The following FBXW8 variants were observed in gnomAD, a reference collection of about 807,000 sequenced individuals.
The protein encoded by FBXW8 is F-box/WD repeat-containing protein 8.
A neutral mutation model predicts 65.3 loss-of-function variants in FBXW8; 57 were observed. The ratio of observed to expected loss-of-function variants is 0.87; its 90% CI spans 0.71 to 1.09. The LOEUF (loss-of-function observed/expected upper bound fraction) is 1.09. Ranked by LOEUF, FBXW8 falls within the 50% of genes least tolerant of loss-of-function variation. The pLI, the probability that FBXW8 is intolerant of heterozygous loss-of-function variation, is 0.00. For synonymous variants in FBXW8, 308 were observed against 330.2 expected (o/e 0.93, Z 0.73); for missense variants, 777 against 814.8 (o/e 0.95, Z 0.57).
At position 116,911,373 on chromosome 12, in the gene FBXW8, C is replaced by T. The variant is rs1429804054; in HGVS notation, c.318+18C>T. On this transcript the variant is annotated intron_variant, in intron 1 of 10. Coordinates refer to ENST00000652555, the MANE Select transcript of FBXW8 (RefSeq NM_153348.3). ...GCGACCTGGTGAGTGGCCGTCGCCT[C>T]CCCCCCGCCCATGCCTGCGCCGGCC... is the stretch of plus-strand genomic sequence containing the variant. 3 of 1,191,368 alleles carry T rather than the reference C, an allele frequency of 2.5e-6. No homozygotes were observed. Among genetic ancestry groups the T allele is most frequent in the Admixed American group, 4.4e-5 (1 of 22,664 alleles). 73.8% of individuals were successfully genotyped at this position (1,191,368 alleles called of 1,614,324 possible).
chr12:117,002,806 C>T (rs993474345), intron 7 of FBXW8: 1 of 152,154 alleles, frequency 6.6e-6, no homozygotes, highest in Non-Finnish European at 1.5e-5. Flanking sequence ...TCCCCCTCTC[C>T]CCAGTTGTCT....
intron 5 of FBXW8, among the ~76,000 whole-genome samples, chr12:116,982,949 TTCATGAC>T (rs1885420019): frequency 6.6e-6 from 1 of 152,114 alleles, no homozygotes; most frequent in Admixed American, 6.5e-5. Context: ...CCAGCCCAAC[TTCATGAC>T]GTACCAAGTC....
intron 5 of FBXW8, among the ~76,000 whole-genome samples, chr12:116,983,936 C>T (rs764748923): frequency 1.3e-5 from 2 of 152,170 alleles, no homozygotes; most frequent in Admixed American, 6.5e-5. Context: ...AGCTGTTAAG[C>T]AGCTCCCCTA....
At chr12:117,009,779 G>A (rs139411310) in intron 7 of FBXW8, among the ~76,000 whole-genome samples, 1 of 152,278 alleles carries the variant, frequency 6.6e-6, no homozygotes, top group African/African-American at 2.4e-5. Flanking sequence ...AGAGAGTGAA[G>A]AGAAAAGTGT....
Position 116,988,681 on chromosome 12 carries a change from G to C in FBXW8, c.1051G>C (p.Val351Leu), listed in dbSNP as rs1277741868. Residue 351 changes from valine to leucine, a missense_variant, in exon 7 of 11, where the codon GTT becomes CTT. Physicochemically the swap from Val to Leu is conservative, Grantham distance 32. Transcript: ENST00000652555. ...TTAACAGGTTCAGTACCTTGAAATAGTTCCAGAAACCAGAAGGTACCCTGT... is the reference window on the plus strand; with the variant it reads ...TTAACAGGTTCAGTACCTTGAAATACTTCCAGAAACCAGAAGGTACCCTGT... ...VPKLVQYLEI[V>L]PETRRYPVAV... The C allele has an allele frequency of 6.8e-6, 11 of 1,614,042 alleles. No individual in the cohort carries two copies. Among genetic ancestry groups the C allele is most frequent in the Middle Eastern group, 1.6e-4 (1 of 6,084 alleles).
chr12:116,918,004 A>C (rs1181270529), intron 1 of FBXW8, among the ~76,000 whole-genome samples: 5 of 149,156 alleles, frequency 3.4e-5, no homozygotes, highest in African/African-American at 9.8e-5. Flanking sequence ...AAAAAAAAAA[A>C]CAAAAAAAAA....
At chr12:116,983,126 G>A (rs962491334) in intron 5 of FBXW8, among the ~76,000 whole-genome samples, 8 of 152,132 alleles carry the variant, frequency 5.3e-5, no homozygotes, top group African/African-American at 1.9e-4. Context: ...CTATGCAAAT[G>A]GGAGTTTTTT....
intron 1 of FBXW8, among the ~76,000 whole-genome samples, chr12:116,927,648 C>T (rs369834886): frequency 6.6e-6 from 1 of 152,148 alleles, no homozygotes; most frequent in African/African-American, 2.4e-5. Context: ...CTTTCTTGGC[C>T]GCCTGCTGCT....
chr12:116,991,444 G>C lies in FBXW8; in HGVS notation c.1239+2575G>C, dbSNP rs1953238489. On this transcript the variant is annotated intron_variant, in intron 7 of 10. Coordinates refer to ENST00000652555, the MANE Select transcript of FBXW8 (RefSeq NM_153348.3). Reference sequence around the variant, plus strand: ...CTCTGTGAGATTTTAGTATCCTCCTGCTGTGCTCTAATGTGATGTCATAAT... The same window carrying C: ...CTCTGTGAGATTTTAGTATCCTCCTCCTGTGCTCTAATGTGATGTCATAAT... 2.6e-5 allele frequency among the ~76,000 whole-genome samples: 4 copies of C among 152,332 alleles called. No individual in the cohort carries two copies. In the South Asian group the frequency reaches 8.3e-4, roughly 32 times the overall value.
intron 5 of FBXW8, among the ~76,000 whole-genome samples, chr12:116,983,561 C>G (rs1337538237): frequency 6.6e-6 from 1 of 152,050 alleles, no homozygotes; most frequent in Non-Finnish European, 1.5e-5. Context: ...CTGAATGATC[C>G]TTTATAGTAA....
At chr12:117,024,113 A>G (rs891675705) in intron 8 of FBXW8, 34 bp from the exon 9 acceptor site, 9 of 1,601,728 alleles carry the variant, frequency 5.6e-6, no homozygotes, top group African/African-American at 2.7e-5. Context: ...CTCTAACCCC[A>G]TTTCCCTTCT....
chr12:116,964,717 G>T lies in FBXW8; in HGVS notation c.698G>T (p.Arg233Ile). Residue 233 changes from arginine to isoleucine, a missense_variant, in exon 5 of 11, where the codon AGA becomes ATA. Physicochemically the swap from Arg to Ile is moderately conservative, Grantham distance 97. Transcript: ENST00000652555. ...VIAGYTSGDV[R>I]VWDTRTWDYV... ...TCCAGATATACATCAGGGGATGTGAGAGTGTGGGACACCCGCACCTGGGAC... is the reference window on the plus strand; with the variant it reads ...TCCAGATATACATCAGGGGATGTGATAGTGTGGGACACCCGCACCTGGGAC... 1.2e-5 allele frequency: 20 copies of T among 1,613,774 alleles called. No homozygotes were observed. The highest frequency in any genetic ancestry group is 1.7e-5 in the Non-Finnish European group (20 of 1,179,986).
intron 4 of FBXW8, among the ~76,000 whole-genome samples, chr12:116,956,436 G>A (rs1222896881): frequency 1.3e-5 from 2 of 152,180 alleles, no homozygotes; most frequent in Admixed American, 1.3e-4. Flanking sequence ...TCTGGCTGCT[G>A]CTTCAGCTGC....
chr12:116,999,269 G>C (rs1208492952), intron 7 of FBXW8, among the ~76,000 whole-genome samples: 1 of 152,224 alleles, frequency 6.6e-6, no homozygotes, highest in Non-Finnish European at 1.5e-5. Context: ...GCTGTGTCCA[G>C]AGAGCTGCTC....
chr12:117,025,662 G>GCTGTGC (rs1954209331), intron 9 of FBXW8, among the ~76,000 whole-genome samples: 2 of 152,306 alleles, frequency 1.3e-5, no homozygotes, highest in Admixed American at 6.5e-5. Flanking sequence ...CCTCGCTGTG[G>GCTGTGC]CTGTGCCTGT....
intron 4 of FBXW8, among the ~76,000 whole-genome samples, chr12:116,957,228 T>C (rs1460292363): frequency 6.6e-6 from 1 of 151,754 alleles, no homozygotes; most frequent in Non-Finnish European, 1.5e-5. Context: ...ACACCTGTAA[T>C]CTCAGCTACT....
At chr12:116,978,904 C>T (rs1885124363) in intron 5 of FBXW8, 1 of 152,042 alleles carries the variant, frequency 6.6e-6, no homozygotes, top group Non-Finnish European at 1.5e-5. Flanking sequence ...GAAAGTTCTG[C>T]CCTGAGCTCT....
chr12:117,011,151 A>G (rs1046223928), intron 8 of FBXW8, among the ~76,000 whole-genome samples: 6 of 52,412 alleles, frequency 1.1e-4, no homozygotes, highest in African/African-American at 7.7e-4. Context: ...TTGGCCAGTT[A>G]TCTGCTGTGT....
At chr12:116,954,111 C>CAAAAAAA (rs59747365) in intron 4 of FBXW8, among the ~76,000 whole-genome samples, 6 of 100,628 alleles carry the variant, frequency 6.0e-5, no homozygotes, top group South Asian at 3.2e-4. Context: ...GACTCTGTCT[C>CAAAAAAA]AAAAAAAAAA....
Sources: gnomAD v4.1 joint callset for allele counts (sites outside exome capture counted in the v4.1 genomes callset) on GRCh38, gnomAD v4.1.1 for gene constraint, MANE v1.5 for transcripts, NCBI Gene and HGNC (gene_info 2026-07-23, HGNC 2026-07-21) for gene names.